SAMSN1: variants seen among roughly 807,000 people sequenced by gnomAD.
SAMSN1 encodes the protein SAM domain-containing protein SAMSN-1.
SAMSN1 carries 31 observed loss-of-function variants against 42.0 expected under a neutral mutation model. The observed-to-expected ratio is 0.74, with a 90% CI of 0.55 to 1.00. The LOEUF (loss-of-function observed/expected upper bound fraction) is 1.00. SAMSN1 is among the 50% of genes least tolerant of loss of function. The pLI is 0.00. For synonymous variants in SAMSN1, 178 were observed against 151.9 expected (o/e 1.17, Z -1.26); for missense variants, 464 against 439.4 (o/e 1.06, Z -0.50).
intron 7 of SAMSN1, among the ~76,000 whole-genome samples, chr21:14,490,622 A>G (rs193277955): frequency 3.4e-4 from 52 of 152,326 alleles, no homozygotes; most frequent in African/African-American, 1.3e-3. Flanking sequence ...TCTCCTAATA[A>G]CAGTGAATAT....
At chr21:14,626,555 T>C (rs1253781270) in intron 2 of SAMSN1, among the ~76,000 whole-genome samples, 1 of 152,094 alleles carries the variant, frequency 6.6e-6, no homozygotes, top group Non-Finnish European at 1.5e-5. Context: ...ATCAGAGAAA[T>C]GCAAATCAAA....
At chr21:14,628,379 A>G (rs956953745) in intron 2 of SAMSN1, among the ~76,000 whole-genome samples, 3 of 152,152 alleles carry the variant, frequency 2.0e-5, no homozygotes, top group Non-Finnish European at 4.4e-5. Context: ...ATACCACTGT[A>G]TACTCCCCAA....
At chr21:14,638,070 T>A (rs957654770) in intron 2 of SAMSN1, among the ~76,000 whole-genome samples, 2 of 152,120 alleles carry the variant, frequency 1.3e-5, no homozygotes, top group African/African-American at 4.8e-5. Flanking sequence ...TCTTTCTCTT[T>A]GCAAAAACCA....
intron 1 of SAMSN1, among the ~76,000 whole-genome samples, chr21:14,653,527 T>A (rs1983867235): frequency 6.6e-6 from 1 of 151,938 alleles, no homozygotes; most frequent in African/African-American, 2.4e-5. Context: ...GGGAGGAAGC[T>A]GGGGATGGTT....
intron 5 of SAMSN1, among the ~76,000 whole-genome samples, chr21:14,606,770 G>A (rs1414806314): frequency 6.6e-6 from 1 of 152,128 alleles, no homozygotes; most frequent in Non-Finnish European, 1.5e-5. Context: ...CTCCTTAGAA[G>A]AAGGAAATGG....
At chr21:14,597,867 G>C (rs190605858) in intron 6 of SAMSN1, 1 of 151,978 alleles carries the variant, frequency 6.6e-6, no homozygotes, top group Non-Finnish European at 1.5e-5. Context: ...GCAGGAAAGA[G>C]AGCAAAAAAC....
upstream of SAMSN1, chr21:14,583,675 C>G: frequency 2.8e-6 from 2 of 717,358 alleles, no homozygotes; most frequent in Admixed American, 4.0e-5. Context: ...TCGGTTTCAC[C>G]TCATCCAGAT....
chr21:14,632,928 G>A (rs528606131), intron 2 of SAMSN1, among the ~76,000 whole-genome samples: 73 of 152,216 alleles, frequency 4.8e-4, no homozygotes, highest in African/African-American at 1.7e-3. Flanking sequence ...ATGGAATCTG[G>A]CTTCATTATA....
At chr21:14,539,303 C>A (rs1979844465) in intron 1 of SAMSN1, among the ~76,000 whole-genome samples, 2 of 152,156 alleles carry the variant, frequency 1.3e-5, no homozygotes, top group Non-Finnish European at 2.9e-5. Flanking sequence ...CGCAATCAGG[C>A]AGGAGAAAGA....
intron 2 of SAMSN1, among the ~76,000 whole-genome samples, chr21:14,573,624 A>T (rs1461803328): frequency 6.6e-6 from 1 of 152,322 alleles, no homozygotes; most frequent in East Asian, 1.9e-4. Flanking sequence ...ATCTGAAGAA[A>T]ATTGCTTTGA....
chr21:14,512,501 CCTT>C lies in SAMSN1; in HGVS notation c.349_351del (p.Lys117del). 1 of 1,613,966 alleles carries C rather than the reference CCTT, an allele frequency of 6.2e-7. No individual in the cohort carries two copies. On this transcript the variant is annotated inframe_deletion, in exon 4 of 8. Transcript: ENST00000400566. ...ATGGAGTCACTGGCTTTGAGGGACACCTTCTCTGTGTGGGTCCCAATCACAGGG... is the reference window on the plus strand; with the variant it reads ...ATGGAGTCACTGGCTTTGAGGGACACCTCTGTGTGGGTCCCAATCACAGGG...
At chr21:14,585,416 C>G (rs996464912), upstream of SAMSN1, 1 of 152,172 alleles carries the variant, frequency 6.6e-6, no homozygotes, top group African/African-American at 2.4e-5. Context: ...CTTCTCTTCT[C>G]CCTTTGTGAA....
chr21:14,592,866 A>T (rs906363158), intron 7 of SAMSN1, among the ~76,000 whole-genome samples: 1 of 152,204 alleles, frequency 6.6e-6, no homozygotes, highest in Non-Finnish European at 1.5e-5. Flanking sequence ...ATCCTCCCAA[A>T]TGTATAGCTT....
intron 1 of SAMSN1, among the ~76,000 whole-genome samples, chr21:14,647,097 A>T (rs1237120888): frequency 6.6e-6 from 1 of 152,152 alleles, no homozygotes; most frequent in Non-Finnish European, 1.5e-5. Flanking sequence ...TAAATGAACT[A>T]AAATCTCCAA....
chr21:14,500,536 T>C lies in SAMSN1; in HGVS notation c.761A>G (p.His254Arg), dbSNP rs746308875. The C allele has an allele frequency of 9.3e-6, 15 of 1,613,772 alleles. No homozygotes were observed. The African/African-American group carries it at 1.9e-4, about 20-fold the overall frequency. ...GAACACAGATTTGCTCACCTGCAGA[T>C]GAATCCTCTCTAGGAACTCCTGCAG... ...KTLQEFLERIHLQEYTSTLLL... is the reference protein window; with the variant it reads ...KTLQEFLERIRLQEYTSTLLL... The change falls in exon 6 of 8, where the codon CAT becomes CGT. Residue 254 changes from histidine (H) to arginine (R), a missense_variant. By Grantham distance (29) the His-to-Arg change is conservative. Coordinates refer to ENST00000400566, the MANE Select transcript of SAMSN1 (RefSeq NM_022136.5).
chr21:14,564,853 C>T (rs1435629855), intron 2 of SAMSN1, among the ~76,000 whole-genome samples: 1 of 152,114 alleles, frequency 6.6e-6, no homozygotes, highest in African/African-American at 2.4e-5. Flanking sequence ...GGGAGGATCA[C>T]TCCAAATCCA....
intron 6 of SAMSN1, chr21:14,594,210 T>G (rs913918538): frequency 5.1e-6 from 3 of 590,008 alleles, no homozygotes; most frequent in Non-Finnish European, 9.0e-6. Context: ...AATTATCTTG[T>G]TATCAAAGTA....
chr21:14,559,248 GTTCATGCAAAGGCAGCTTCTTTA>G (rs145781302), intron 2 of SAMSN1, among the ~76,000 whole-genome samples: 5,926 of 152,178 alleles, frequency 0.039, 155 homozygotes, highest in African/African-American at 0.069. Flanking sequence ...ATGTCATGTG[GTTCATGCAAAGGCAGCTTCTTTA>G]TTTCAGACAG....
At chr21:14,620,350 T>C (rs1982969326) in intron 2 of SAMSN1, among the ~76,000 whole-genome samples, 1 of 151,954 alleles carries the variant, frequency 6.6e-6, no homozygotes, top group African/African-American at 2.4e-5. Context: ...GATGGTTTCA[T>C]AAGTGGTTAA....
Sources: gnomAD v4.1 joint callset for allele counts (sites outside exome capture counted in the v4.1 genomes callset) on GRCh38, gnomAD v4.1.1 for gene constraint, MANE v1.5 for transcripts, NCBI Gene and HGNC (gene_info 2026-07-23, HGNC 2026-07-21) for gene names.